The following CSNK1D variants were observed in gnomAD, a reference collection of about 807,000 sequenced individuals.
CSNK1D encodes the protein casein kinase 1 delta, also known as casein kinase I isoform delta.
In CSNK1D, 16 loss-of-function variants were observed where a neutral mutation model predicts 46.6. That is an observed-to-expected ratio of 0.34 (90% CI 0.23 to 0.52). CSNK1D has a LOEUF of 0.52. CSNK1D is among the 20% of genes least tolerant of loss of function. CSNK1D has a pLI of 0.95. For synonymous variants in CSNK1D, 276 were observed against 228.2 expected, an observed-to-expected ratio of 1.21 and a Z score of -1.89; for missense variants, 398 against 578.4, an observed-to-expected ratio of 0.69 and a Z score of 3.20.
At position 82,254,837 on chromosome 17, in the gene CSNK1D, C is replaced by T. The variant is rs1351405093; in HGVS notation, c.336+592G>A. Among the ~76,000 whole-genome samples, 114 of 138,846 alleles carry T rather than the reference C, an allele frequency of 8.2e-4. 1 individual carries two copies. The highest frequency in any genetic ancestry group is 3.2e-3 in the African/African-American group (111 of 35,078). The allele number at this position is 138,846 out of a possible 152,430, so 91.1% of individuals were successfully genotyped here. On this transcript the variant is annotated intron_variant, in intron 3 of 8. Coordinates refer to ENST00000314028, the MANE Select transcript of CSNK1D (RefSeq NM_001893.6). ...GCCTCGAGAAGCCAGTCAGCTGAGC[C>T]GCCGGGGCCTCGAGAAGCCAGTGTG...
In CSNK1D at chr17:82,255,229, G is replaced by T; in HGVS notation, c.336+200C>A. ...GAAGCCAGTGAGCTGGGCCGCCGGAGCCTCGAGAAGCCAGTGAGCGGAGCC... is the reference window on the plus strand; with the variant it reads ...GAAGCCAGTGAGCTGGGCCGCCGGATCCTCGAGAAGCCAGTGAGCGGAGCC... On this transcript the variant is annotated intron_variant, in intron 3 of 8. Transcript: ENST00000314028. This position sits in a 1 kb window ranked among gnomAD's most constrained non-coding sequence, Gnocchi z 5.9. 1.5e-6 allele frequency: 1 copy of T among 679,616 alleles called. No individual in the cohort carries two copies. Among genetic ancestry groups the T allele is most frequent in the South Asian group, 1.6e-5 (1 of 60,882 alleles). 42.1% of individuals were successfully genotyped at this position (679,616 alleles called of 1,614,324 possible). A position where few individuals can be genotyped will look rare whatever the true frequency, so the allele number is the denominator to read the frequency against.
In CSNK1D at chr17:82,245,327, C is replaced by T. The variant is rs1032543400; in HGVS notation, c.1198-496G>A. On this transcript the variant is annotated intron_variant, in intron 8 of 8. Transcript: ENST00000314028. ...CGTGGCCGCCGAGGAGGGAGCACAG[C>T]GTGGACGCCGGCCATGCACCGACGG... The T allele has an allele frequency of 5.1e-5, 14 of 272,554 alleles. No homozygotes were observed. In the East Asian group the frequency reaches 1.1e-3, roughly 22 times the overall value. 16.9% of individuals were successfully genotyped at this position (272,554 alleles called of 1,614,324 possible).
In CSNK1D at chr17:82,255,643, A is replaced by C; in HGVS notation, c.188-66T>G. The C allele has an allele frequency of 1.9e-6, 3 of 1,587,140 alleles. No individual in the cohort carries two copies. Among genetic ancestry groups the C allele is most frequent in the Non-Finnish European group, 2.6e-6 (3 of 1,156,368 alleles). On this transcript the variant is annotated intron_variant, in intron 2 of 8. Coordinates refer to ENST00000314028, the MANE Select transcript of CSNK1D (RefSeq NM_001893.6). The surrounding 1 kb of genome is among the most constrained non-coding windows in gnomAD (Gnocchi z 5.9). ...TGCCTCAGCTCCACACTAAGTCTGC[A>C]CTGTGCACACCAAGGGGTCATGGTG...
intron 2 of CSNK1D, among the ~76,000 whole-genome samples, chr17:82,259,895 C>A (rs913482943): frequency 6.6e-6 from 1 of 152,224 alleles, no homozygotes; most frequent in African/African-American, 2.4e-5. Context: ...TCCATCTGAA[C>A]TGATGGTGTA....
intron 2 of CSNK1D, among the ~76,000 whole-genome samples, chr17:82,264,507 A>G (rs2051417481): frequency 6.6e-6 from 1 of 152,144 alleles, no homozygotes; most frequent in African/African-American, 2.4e-5. Flanking sequence ...CCAGGTACCT[A>G]AGGCCCTGGG....
chr17:82,268,626 T>G (rs1345620056), intron 1 of CSNK1D, among the ~76,000 whole-genome samples: 1 of 152,184 alleles, frequency 6.6e-6, no homozygotes, highest in Non-Finnish European at 1.5e-5. Context: ...CACCAGGTTG[T>G]CTGGGTTGTC....
Position 82,251,635 on chromosome 17 carries a change from G to T in CSNK1D, c.737-108C>A. 1.8e-6 allele frequency: 2 copies of T among 1,120,798 alleles called. No individual in the cohort carries two copies. The highest frequency in any genetic ancestry group is 2.4e-5 in the East Asian group (1 of 41,266). The allele number at this position is 1,120,798 out of a possible 1,614,324, so 69.4% of individuals were successfully genotyped here. A position where few individuals can be genotyped will look rare whatever the true frequency, so the allele number is the denominator to read the frequency against. The stretch of plus-strand genomic sequence containing the variant: ...TGCTGCTGCACACTCAAGGGGAGAA[G>T]GACAGATGCAAAACACCTGTCAGAT... On this transcript the variant is annotated intron_variant, in intron 5 of 8. Transcript: ENST00000314028. The surrounding 1 kb of genome is among the most constrained non-coding windows in gnomAD (Gnocchi z 4.5).
Position 82,255,677 on chromosome 17 carries a change from G to C in CSNK1D, c.188-100C>G, listed in dbSNP as rs1312731267. 2.1e-6 allele frequency: 3 copies of C among 1,452,854 alleles called. No individual in the cohort carries two copies. The highest frequency in any genetic ancestry group is 1.4e-5 in the African/African-American group (1 of 71,676). 90.0% of individuals were successfully genotyped at this position (1,452,854 alleles called of 1,614,324 possible). ...ACCAAGGGGTCATGGTGACAATCCT[G>C]AACGGGGGAGGGGTGGTGGAGGTAG... On this transcript the variant is annotated intron_variant, in intron 2 of 8. Coordinates refer to ENST00000314028, the MANE Select transcript of CSNK1D (RefSeq NM_001893.6). This position sits in a 1 kb window ranked among gnomAD's most constrained non-coding sequence, Gnocchi z 5.9.
Position 82,250,537 on chromosome 17 carries a change from G to C in CSNK1D, c.885+842C>G, listed in dbSNP as rs1047527138. 1 of 251,854 alleles carries C rather than the reference G, an allele frequency of 4.0e-6. No individual in the cohort carries two copies. The highest frequency in any genetic ancestry group is 8.1e-6 in the Non-Finnish European group (1 of 123,622). The allele number at this position is 251,854 out of a possible 1,614,324, so 15.6% of individuals were successfully genotyped here. On this transcript the variant is annotated intron_variant, in intron 6 of 8. Coordinates refer to ENST00000314028, the MANE Select transcript of CSNK1D (RefSeq NM_001893.6). The surrounding 1 kb of genome is among the most constrained non-coding windows in gnomAD (Gnocchi z 4.6). ...TCCCGGCACCTGGGCCCCGAGGCTC[G>C]GGCCTGCCTCGCCTGCCATCTCTCC...
downstream of CSNK1D, chr17:82,239,598 G>A: frequency 1.4e-5 from 3 of 217,668 alleles, no homozygotes; most frequent in Non-Finnish European, 1.8e-5. Context: ...CCCTGCAGCG[G>A]CATAGCATTC....
chr17:82,251,162 C>G lies in CSNK1D; in HGVS notation c.885+217G>C, dbSNP rs2050998506. On this transcript the variant is annotated intron_variant, in intron 6 of 8. Transcript: ENST00000314028. The surrounding 1 kb of genome is among the most constrained non-coding windows in gnomAD (Gnocchi z 4.5). ...TGTCCACACCCAGGAATTCCATGGA[C>G]CCCTCTGCGTTCCCTAATGGCGTCT... The G allele has an allele frequency of 7.1e-6, 4 of 567,136 alleles. No homozygotes were observed. Among genetic ancestry groups the G allele is most frequent in the Admixed American group, 5.8e-5 (2 of 34,532 alleles). 35.1% of individuals were successfully genotyped at this position (567,136 alleles called of 1,614,324 possible).
rs550414384 is a variant in CSNK1D at position 82,251,511 on chromosome 17, G to A, written c.753C>T (p.Tyr251=). ...CKGYPSEFAT[Y]LNFCRSLRFD... Reference sequence around the variant, plus strand: ...AACGCAAGGAACGGCAGAAATTCAGGTATGTGGCAAATTCGGCTACAAAAC... The same window carrying A: ...AACGCAAGGAACGGCAGAAATTCAGATATGTGGCAAATTCGGCTACAAAAC... The change falls in exon 6 of 9, where the codon TAC becomes TAT. Residue 251 remains tyrosine (Y), a synonymous_variant. Coordinates refer to ENST00000314028, the MANE Select transcript of CSNK1D (RefSeq NM_001893.6). The surrounding 1 kb of genome is among the most constrained non-coding windows in gnomAD (Gnocchi z 4.5). 1.2e-5 allele frequency: 20 copies of A among 1,614,086 alleles called. No individual in the cohort carries two copies. In the South Asian group the frequency reaches 2.2e-4, roughly 18 times the overall value.
downstream of CSNK1D, chr17:82,239,684 A>C (rs2050712334): frequency 5.9e-6 from 2 of 338,716 alleles, no homozygotes; most frequent in South Asian, 3.1e-4. Flanking sequence ...GTGGCCTCTG[A>C]AATGTGCCAG....
chr17:82,242,220 G>GT (rs1568546769), downstream of CSNK1D, among the ~76,000 whole-genome samples: 1 of 151,614 alleles, frequency 6.6e-6, no homozygotes, highest in Non-Finnish European at 1.5e-5. Context: ...TCTGGGGGGG[G>GT]GGGGAAGAGG....
In CSNK1D at chr17:82,249,007, G is replaced by A. The variant is rs1054706236; in HGVS notation, c.1065C>T (p.Thr355=). ...CCATGCCGGAGACGGGCCGGGGGGAGGTGTTAGCTGAGGACAGGGAGAGAA... is the reference window on the plus strand; with the variant it reads ...CCATGCCGGAGACGGGCCGGGGGGAAGTGTTAGCTGAGGACAGGGAGAGAA... ...PLTPTSHTAN[T]SPRPVSGMER... The change falls in exon 8 of 9, where the codon ACC becomes ACT. Residue 355 remains threonine (T), a synonymous_variant. Coordinates refer to ENST00000314028, the MANE Select transcript of CSNK1D (RefSeq NM_001893.6). This position sits in a 1 kb window ranked among gnomAD's most constrained non-coding sequence, Gnocchi z 6.7. The A allele has an allele frequency of 6.4e-7, 1 of 1,559,250 alleles. No individual in the cohort carries two copies. The highest frequency in any genetic ancestry group is 1.2e-5 in the South Asian group (1 of 85,162).
At chr17:82,258,262 A>T (rs2051233325) in intron 2 of CSNK1D, among the ~76,000 whole-genome samples, 1 of 150,464 alleles carries the variant, frequency 6.6e-6, no homozygotes, top group African/African-American at 2.4e-5. Flanking sequence ...ATGTGTATTT[A>T]TGTTTCGGTC....
intron 2 of CSNK1D, among the ~76,000 whole-genome samples, chr17:82,257,181 G>T (rs1043416382): frequency 1.2e-4 from 18 of 151,426 alleles, no homozygotes; most frequent in Admixed American, 9.2e-4. Context: ...TTTTTTTTTG[G>T]CTAAGTTTTT....
At chr17:82,265,051 G>A (rs560301818) in intron 2 of CSNK1D, among the ~76,000 whole-genome samples, 4 of 151,628 alleles carry the variant, frequency 2.6e-5, no homozygotes, top group East Asian at 2.0e-4. Context: ...CGCCTGCCTC[G>A]GCCTCCCAAA....
Position 82,248,379 on chromosome 17 carries a change from G to A in CSNK1D, c.1197+496C>T. 1 of 1,001,952 alleles carries A rather than the reference G, an allele frequency of 1.0e-6. No individual in the cohort carries two copies. Among genetic ancestry groups the A allele is most frequent in the South Asian group, 4.1e-5 (1 of 24,332 alleles). 62.1% of individuals were successfully genotyped at this position (1,001,952 alleles called of 1,614,324 possible). A position where few individuals can be genotyped will look rare whatever the true frequency, so the allele number is the denominator to read the frequency against. On this transcript the variant is annotated intron_variant, in intron 8 of 8. Transcript: ENST00000314028. The surrounding 1 kb of genome is among the most constrained non-coding windows in gnomAD (Gnocchi z 4.1). Reference sequence around the variant, plus strand: ...TCTCGTCCAAGGGAAGACAGGTGAGGCCGTCAAAAGAAGGAAAGCCTCGTT... The same window carrying A: ...TCTCGTCCAAGGGAAGACAGGTGAGACCGTCAAAAGAAGGAAAGCCTCGTT...
Sources: allele counts gnomAD v4.1 joint callset (sites outside exome capture counted in the v4.1 genomes callset), GRCh38; gene constraint gnomAD v4.1.1; non-coding constraint Gnocchi (gnomAD v3.1); transcripts MANE v1.5; gene names NCBI Gene and HGNC (gene_info 2026-07-23, HGNC 2026-07-21).